SLC30A5: variants seen among roughly 807,000 people sequenced by gnomAD.
SLC30A5 encodes the protein proton-coupled zinc antiporter SLC30A5.
SLC30A5 carries 33 observed loss-of-function variants against 79.6 expected under a neutral mutation model. That is an observed-to-expected ratio of 0.41 (90% CI 0.31 to 0.55). SLC30A5 has a LOEUF of 0.55. Among genes scored for constraint, SLC30A5 ranks in the 20% least tolerant of loss-of-function variants. The pLI is 0.20. For synonymous variants in SLC30A5, 299 were observed against 319.7 expected (o/e 0.94, Z 0.69); for missense variants, 788 against 928.1 (o/e 0.85, Z 1.96).
At chr5:69,118,449 T>C (rs181271322) in intron 11 of SLC30A5, 50 bp from the exon 12 acceptor site, 10 of 1,532,062 alleles carry the variant, frequency 6.5e-6, no homozygotes, top group Non-Finnish European at 8.8e-6. Flanking sequence ...AGTTTATACT[T>C]TAAAAATATT....
intron 4 of SLC30A5, among the ~76,000 whole-genome samples, chr5:69,107,019 C>T (rs759824694): frequency 6.6e-6 from 1 of 151,990 alleles, no homozygotes; most frequent in Non-Finnish European, 1.5e-5. Context: ...TGCCTACCAC[C>T]ACACCTGGCT....
At chr5:69,125,710 G>A (rs1370607418) in intron 14 of SLC30A5, among the ~76,000 whole-genome samples, 1 of 151,448 alleles carries the variant, frequency 6.6e-6, no homozygotes, top group Non-Finnish European at 1.5e-5. Context: ...ACCGTGGTGG[G>A]CACCTGTAGT....
chr5:69,099,130 C>T (rs185233540), intron 1 of SLC30A5, among the ~76,000 whole-genome samples: 47 of 152,268 alleles, frequency 3.1e-4, no homozygotes, highest in Non-Finnish European at 4.4e-4. Context: ...AATAAAATAG[C>T]AAAGGATTGT....
intron 12 of SLC30A5, among the ~76,000 whole-genome samples, chr5:69,121,270 TAATA>T (rs1161869767): frequency 2.1e-4 from 32 of 152,242 alleles, no homozygotes; most frequent in Non-Finnish European, 7.3e-5. Flanking sequence ...ATCTGCTCAT[TAATA>T]AATTATAATT....
intron 14 of SLC30A5, among the ~76,000 whole-genome samples, chr5:69,126,533 C>G (rs557169303): frequency 6.6e-6 from 1 of 152,014 alleles, no homozygotes; most frequent in Non-Finnish European, 1.5e-5. Flanking sequence ...GAGGCCGAGG[C>G]GGGCGGATCA....
intron 15 of SLC30A5, among the ~76,000 whole-genome samples, chr5:69,128,789 A>G (rs993780074): frequency 6.6e-6 from 1 of 152,162 alleles, no homozygotes; most frequent in Non-Finnish European, 1.5e-5. Context: ...GGCAGGGTAT[A>G]TGCTATGTTT....
Position 69,096,055 on chromosome 5 carries a change from C to T in SLC30A5, c.83+1717C>T, listed in dbSNP as rs368037466. Among the ~76,000 whole-genome samples the T allele has an allele frequency of 2.2e-4, 33 of 152,086 alleles. No individual in the cohort carries two copies. In the South Asian group the frequency reaches 5.2e-3, roughly 24 times the overall value. On this transcript the variant is annotated intron_variant, in intron 1 of 15. Coordinates refer to ENST00000396591, the MANE Select transcript of SLC30A5 (RefSeq NM_022902.5). ...CTGCACTCCAGCCTGGGTGACAGAG[C>T]GAGACTCTGTCTCAAAAAAAAGCAT...
chr5:69,128,250 C>CTTTTT lies in SLC30A5; in HGVS notation c.2127+133_2127+137dup, dbSNP rs71612509. 3.2e-4 allele frequency: 92 copies of CTTTTT among 286,874 alleles called. 1 individual carries two copies. The highest frequency in any genetic ancestry group is 1.0e-3 in the South Asian group (32 of 30,530). The allele number at this position is 286,874 out of a possible 1,614,324, so 17.8% of individuals were successfully genotyped here. ...ATTCAGAAATATCAATCTTCCAACT[C>CTTTTT]TTTTTTTTTTTTTTTTTTTGAGACA... On this transcript the variant is annotated intron_variant, in intron 15 of 15. Coordinates refer to ENST00000396591, the MANE Select transcript of SLC30A5 (RefSeq NM_022902.5).
In SLC30A5 at chr5:69,129,440, A is replaced by G. The variant is rs767179197; in HGVS notation, c.2128-7A>G. 1 of 1,604,018 alleles carries G rather than the reference A, an allele frequency of 6.2e-7. No individual in the cohort carries two copies. ...AATGCTTCAAAATATCTGGATTTTT[A>G]TAACAGGTTACAGGAATACTTAAAG... On this transcript the variant is annotated splice_region_variant and splice_polypyrimidine_tract_variant and intron_variant, in intron 15 of 15. Coordinates refer to ENST00000396591, the MANE Select transcript of SLC30A5 (RefSeq NM_022902.5).
chr5:69,099,760 T>C (rs534614777), intron 1 of SLC30A5, among the ~76,000 whole-genome samples: 1 of 152,358 alleles, frequency 6.6e-6, no homozygotes, highest in South Asian at 2.1e-4. Flanking sequence ...GGTCTTTTCA[T>C]TTCATAACAG....
At chr5:69,105,713 C>A (rs931121984) in intron 4 of SLC30A5, among the ~76,000 whole-genome samples, 1 of 151,884 alleles carries the variant, frequency 6.6e-6, no homozygotes, top group Non-Finnish European at 1.5e-5. Context: ...GGCTATAGAC[C>A]AGTATGGGTT....
chr5:69,103,152 A>T, intron 3 of SLC30A5, 24 bp downstream of exon 3: 1 of 1,339,312 alleles, frequency 7.5e-7, no homozygotes, highest in Non-Finnish European at 1.1e-6. Context: ...AGAATCTTTT[A>T]TTCCTAGCAG....
intron 1 of SLC30A5, among the ~76,000 whole-genome samples, chr5:69,094,578 C>T (rs183550756): frequency 1.1e-3 from 168 of 152,236 alleles, no homozygotes; most frequent in African/African-American, 4.0e-3. Flanking sequence ...ACAAGGCAGA[C>T]AGTCAGTCTT....
In SLC30A5 at chr5:69,113,211, T is replaced by C. The variant is rs763079788; in HGVS notation, c.519T>C (p.Ala173=). The C allele has an allele frequency of 6.2e-7, 1 of 1,613,392 alleles. No homozygotes were observed. Among genetic ancestry groups the C allele is most frequent in the South Asian group, 1.1e-5 (1 of 90,952 alleles). ...LLLFDNDDLM[A]KMAEHPEGHH... ...TTTTTGACAATGATGATCTCATGGC[T>C]AAAATGGCTGAACACCGTATCCTTT... is the stretch of plus-strand genomic sequence containing the variant. The change falls in exon 6 of 16, where the codon GCT becomes GCC. Residue 173 remains alanine, a synonymous_variant. Transcript: ENST00000396591.
chr5:69,100,906 G>A lies in SLC30A5; in HGVS notation c.183G>A (p.Gln61=), dbSNP rs778538024. 2 of 1,548,730 alleles carry A rather than the reference G, an allele frequency of 1.3e-6. No individual in the cohort carries two copies. Among genetic ancestry groups the A allele is most frequent in the South Asian group, 1.2e-5 (1 of 85,328 alleles). The change falls in exon 2 of 16, where the codon CAG becomes CAA. Residue 61 remains glutamine (Q), a synonymous_variant. Coordinates refer to ENST00000396591, the MANE Select transcript of SLC30A5 (RefSeq NM_022902.5). ...TCCTAAAAGCTGTTCACATTGTTCAGTTCATTTTTATATTAAAACTTGGGT... is the reference window on the plus strand; with the variant it reads ...TCCTAAAAGCTGTTCACATTGTTCAATTCATTTTTATATTAAAACTTGGGT... ...YDLLKAVHIV[Q]FIFILKLGTA...
intron 12 of SLC30A5, among the ~76,000 whole-genome samples, chr5:69,120,857 T>C (rs1000794794): frequency 6.6e-6 from 1 of 152,238 alleles, no homozygotes; most frequent in Admixed American, 6.5e-5. Flanking sequence ...AAATTGTAGA[T>C]GTAGGCAAAT....
chr5:69,113,236 T>C lies in SLC30A5; in HGVS notation c.535+9T>C. On this transcript the variant is annotated intron_variant, in intron 6 of 15. Coordinates refer to ENST00000396591, the MANE Select transcript of SLC30A5 (RefSeq NM_022902.5). Reference sequence around the variant, plus strand: ...TAAAATGGCTGAACACCGTATCCTTTTGGAATAGATCAGAGTTGTTTCAAG... The same window carrying C: ...TAAAATGGCTGAACACCGTATCCTTCTGGAATAGATCAGAGTTGTTTCAAG... 1 of 1,607,282 alleles carries C rather than the reference T, an allele frequency of 6.2e-7. No homozygotes were observed. Among genetic ancestry groups the C allele is most frequent in the East Asian group, 2.2e-5 (1 of 44,746 alleles).
chr5:69,105,809 A>C (rs924572738), intron 4 of SLC30A5, among the ~76,000 whole-genome samples: 7 of 152,210 alleles, frequency 4.6e-5, no homozygotes, highest in Admixed American at 6.5e-5. Context: ...CTCCTGTCAG[A>C]TCAGCAATGG....
chr5:69,099,892 T>A (rs1745859907), intron 1 of SLC30A5, among the ~76,000 whole-genome samples: 1 of 152,222 alleles, frequency 6.6e-6, no homozygotes, highest in Non-Finnish European at 1.5e-5. Flanking sequence ...GCATCTTTTG[T>A]TAAAGTAAAC....
Sources: allele counts gnomAD v4.1 joint callset (sites outside exome capture counted in the v4.1 genomes callset), GRCh38; gene constraint gnomAD v4.1.1; transcripts MANE v1.5; gene names NCBI Gene and HGNC (gene_info 2026-07-23, HGNC 2026-07-21).